FLT1: variants seen among roughly 807,000 people sequenced by gnomAD.
The protein encoded by FLT1 is vascular endothelial growth factor receptor 1.
FLT1 carries 49 observed loss-of-function variants against 156.3 expected under a neutral mutation model. That is an observed-to-expected ratio of 0.31 (90% CI 0.25 to 0.40). The LOEUF (loss-of-function observed/expected upper bound fraction) is 0.40, where lower values mean the gene tolerates loss of function less well. Ranked by LOEUF, FLT1 falls within the 10% of genes least tolerant of loss-of-function variation. The probability of loss-of-function intolerance (pLI) is 1.00; values close to 1 mark genes in which losing one functional copy is unlikely to be tolerated. For synonymous variants in FLT1, 594 were observed against 583.8 expected, an observed-to-expected ratio of 1.02 and a Z score of -0.25; for missense variants, 1,322 against 1,637.2, an observed-to-expected ratio of 0.81 and a Z score of 3.32.
intron 1 of FLT1, among the ~76,000 whole-genome samples, chr13:28,471,065 C>T (rs1485687449): frequency 2.0e-5 from 3 of 152,004 alleles, no homozygotes; most frequent in Admixed American, 6.6e-5. Context: ...CCATGCTGTC[C>T]CCCAACCAGA....
At chr13:28,357,409 C>G in intron 15 of FLT1, 145 bp downstream of exon 15, 1 of 853,756 alleles carries the variant, frequency 1.2e-6, no homozygotes, top group Non-Finnish European at 2.0e-6. Context: ...CAGTCCCTTC[C>G]CGGAGTGGCA....
intron 10 of FLT1, among the ~76,000 whole-genome samples, chr13:28,418,337 G>A (rs766454025): frequency 2.6e-5 from 4 of 152,102 alleles, no homozygotes; most frequent in Non-Finnish European, 4.4e-5. Flanking sequence ...TTTGCTGCTC[G>A]TCTTTTTCTC....
intron 14 of FLT1, among the ~76,000 whole-genome samples, chr13:28,362,595 G>C (rs546133517): frequency 6.6e-6 from 1 of 152,272 alleles, no homozygotes; most frequent in South Asian, 2.1e-4. Context: ...GAGGTGGGCA[G>C]ATCGCTTGAG....
chr13:28,302,172 C>A lies in FLT1; in HGVS notation c.*995G>T. The A allele has an allele frequency of 4.3e-6, 1 of 233,222 alleles. No individual in the cohort carries two copies. 14.4% of individuals were successfully genotyped at this position (233,222 alleles called of 1,614,324 possible). The stretch of plus-strand genomic sequence containing the variant: ...AGGACTGCATTTTCATTCTTCTCAG[C>A]TTTCTTTCACAACTAACTGTGCAAA... On this transcript the variant is annotated 3_prime_UTR_variant, in exon 30 of 30. Coordinates refer to ENST00000282397, the MANE Select transcript of FLT1 (RefSeq NM_002019.4).
intron 24 of FLT1, among the ~76,000 whole-genome samples, chr13:28,318,124 G>C (rs941934186): frequency 2.6e-5 from 4 of 152,076 alleles, no homozygotes; most frequent in African/African-American, 9.7e-5. Flanking sequence ...ACCACACTTG[G>C]CTTGGGCTTC....
intron 3 of FLT1, among the ~76,000 whole-genome samples, chr13:28,440,471 T>A (rs1878274988): frequency 6.6e-6 from 1 of 152,216 alleles, no homozygotes; most frequent in African/African-American, 2.4e-5. Context: ...TAGAAAGGGC[T>A]GCCAGCAGGT....
chr13:28,451,704 T>C (rs536681777), intron 3 of FLT1, among the ~76,000 whole-genome samples: 1 of 152,170 alleles, frequency 6.6e-6, no homozygotes, highest in African/African-American at 2.4e-5. Context: ...GTCGAAGTGC[T>C]GCGCTGATGA....
intron 10 of FLT1, among the ~76,000 whole-genome samples, chr13:28,417,215 T>A (rs1876704101): frequency 6.6e-6 from 1 of 152,216 alleles, no homozygotes; most frequent in Non-Finnish European, 1.5e-5. Flanking sequence ...CAAAATTACC[T>A]TTCCAATTTT....
chr13:28,473,777 GGAAAGAAA>G (rs1224855124), intron 1 of FLT1, among the ~76,000 whole-genome samples: 1,446 of 63,254 alleles, frequency 0.023, 43 homozygotes, highest in Middle Eastern at 0.047. Context: ...AAGGAAGGAA[GGAAAGAAA>G]GAAAGAAAGA....
Position 28,473,671 on chromosome 13 carries a change from A to AAGAAAGAG in FLT1, c.65-6055_65-6054insCTCTTTCT, listed in dbSNP as rs1431747843. On this transcript the variant is annotated intron_variant, in intron 1 of 29. Transcript: ENST00000282397. Reference sequence around the variant, plus strand: ...AAAGAAAGAAAGAAAGAAAGAAAGAAAGAGAGAGAGAGAGAGAGAGAGAAA... The same window carrying AAGAAAGAG: ...AAAGAAAGAAAGAAAGAAAGAAAGAAAGAAAGAGAGAGAGAGAGAGAGAGAGAGAGAAA... Among the ~76,000 whole-genome samples the AAGAAAGAG allele has an allele frequency of 2.0e-4, 24 of 118,358 alleles. No individual in the cohort carries two copies. In the East Asian group the frequency reaches 2.7e-3, roughly 13 times the overall value. The allele number at this position is 118,358 out of a possible 152,430, so 77.6% of individuals were successfully genotyped here.
chr13:28,313,358 G>T (rs888761431), intron 25 of FLT1, among the ~76,000 whole-genome samples: 12 of 152,144 alleles, frequency 7.9e-5, no homozygotes, highest in Non-Finnish European at 1.5e-4. Context: ...TGTACCTACC[G>T]CCCTCTCTGA....
chr13:28,487,463 T>TC (rs754615040), intron 1 of FLT1, among the ~76,000 whole-genome samples: 203 of 152,332 alleles, frequency 1.3e-3, no homozygotes, highest in Non-Finnish European at 2.1e-3. Flanking sequence ...CATGGGTGGT[T>TC]CGGTGGCTTG....
intron 15 of FLT1, among the ~76,000 whole-genome samples, chr13:28,354,066 C>T (rs1354306525): frequency 6.6e-6 from 1 of 152,132 alleles, no homozygotes; most frequent in Non-Finnish European, 1.5e-5. Flanking sequence ...GTGTGAGGGT[C>T]CATATGCATC....
intron 25 of FLT1, among the ~76,000 whole-genome samples, chr13:28,315,804 C>T (rs1420905968): frequency 2.0e-5 from 3 of 152,070 alleles, no homozygotes; most frequent in Admixed American, 6.6e-5. Flanking sequence ...TACTGAGGAA[C>T]GTGGGGTCTG....
intron 3 of FLT1, among the ~76,000 whole-genome samples, chr13:28,463,189 T>A (rs551688673): frequency 6.6e-6 from 1 of 152,358 alleles, no homozygotes; most frequent in Admixed American, 6.5e-5. Context: ...TAGTTAAATA[T>A]AATTACTTGG....
Position 28,308,892 on chromosome 13 carries a change from C to G in FLT1, c.3671G>C (p.Arg1224Thr), listed in dbSNP as rs370986273. ...VNAFKFMSLE[R>T]IKTFEELLPN... Reference sequence around the variant, plus strand: ...TAAAAGTTCTTCAAAGGTTTTGATTCTTTCCAGGCTCATGAACTTGAAAGC... The same window carrying G: ...TAAAAGTTCTTCAAAGGTTTTGATTGTTTCCAGGCTCATGAACTTGAAAGC... The change falls in exon 28 of 30, where the codon AGA (arginine) becomes ACA (threonine). Residue 1224 changes from arginine to threonine, a missense_variant. By Grantham distance (71) the Arg-to-Thr change is moderately conservative. This residue lies in a region of FLT1 where 329 missense variants were observed against 366.2 expected (regional missense o/e 0.90). Coordinates refer to ENST00000282397, the MANE Select transcript of FLT1 (RefSeq NM_002019.4). 1.2e-6 allele frequency: 2 copies of G among 1,612,208 alleles called. No homozygotes were observed. The highest frequency in any genetic ancestry group is 1.3e-5 in the African/African-American group (1 of 75,026).
intron 11 of FLT1, among the ~76,000 whole-genome samples, chr13:28,404,604 C>T (rs1454839081): frequency 6.6e-6 from 1 of 152,170 alleles, no homozygotes; most frequent in African/African-American, 2.4e-5. Context: ...GAATAGATGA[C>T]ATAAGCATAC....
chr13:28,471,137 G>A (rs186000339), intron 1 of FLT1, among the ~76,000 whole-genome samples: 166 of 152,228 alleles, frequency 1.1e-3, no homozygotes, highest in African/African-American at 3.8e-3. Context: ...AAAAAAAAGC[G>A]TTGCCACATA....
chr13:28,424,406 A>G (rs1877215835), intron 10 of FLT1, among the ~76,000 whole-genome samples: 1 of 152,144 alleles, frequency 6.6e-6, no homozygotes, highest in Middle Eastern at 3.2e-3. Context: ...AAGCCACAAT[A>G]TTACTCAGTC....
Sources: gnomAD v4.1 joint callset for allele counts (sites outside exome capture counted in the v4.1 genomes callset) on GRCh38, gnomAD v4.1.1 for gene constraint, gnomAD v4.1.1 regional missense constraint, MANE v1.5 for transcripts, NCBI Gene and HGNC (gene_info 2026-07-23, HGNC 2026-07-21) for gene names.